The following WWOX variants were observed in gnomAD, a reference collection of about 807,000 sequenced individuals.
The protein encoded by WWOX is WW domain-containing oxidoreductase.
A neutral mutation model predicts 46.2 loss-of-function variants in WWOX; 69 were observed. The ratio of observed to expected loss-of-function variants is 1.49; its 90% CI spans 1.23 to 1.82. WWOX has a LOEUF of 1.82. WWOX is among the 40% of genes most tolerant of loss of function. The pLI is 0.00. For synonymous variants in WWOX, 359 were observed against 202.6 expected (o/e 1.77, Z -6.56); for missense variants, 919 against 542.6 (o/e 1.69, Z -6.89).
At position 78,372,716 on chromosome 16, in the gene WWOX, T is replaced by A. The variant is rs558115309; in HGVS notation, c.517-14144T>A. On this transcript the variant is annotated intron_variant, in intron 5 of 8. Coordinates refer to ENST00000566780, the MANE Select transcript of WWOX (RefSeq NM_016373.4). Reference sequence around the variant, plus strand: ...CAGTTATAGGCTTTTAAGGTCAGATTAATCTTTATTTAATTTCTTAATAAT... The same window carrying A: ...CAGTTATAGGCTTTTAAGGTCAGATAAATCTTTATTTAATTTCTTAATAAT... Among the ~76,000 whole-genome samples, 26 of 152,340 alleles carry A rather than the reference T, an allele frequency of 1.7e-4. No individual in the cohort carries two copies. In the Middle Eastern group the frequency reaches 0.014, roughly 80 times the overall value.
chr16:79,134,194 T>A (rs1429994126), intron 8 of WWOX, among the ~76,000 whole-genome samples: 1 of 152,108 alleles, frequency 6.6e-6, no homozygotes, highest in African/African-American at 2.4e-5. Context: ...TCTTTAATTT[T>A]CTTACAAAGG....
intron 8 of WWOX, among the ~76,000 whole-genome samples, chr16:78,449,098 C>T (rs763747422): frequency 1.3e-5 from 2 of 152,140 alleles, no homozygotes; most frequent in Non-Finnish European, 2.9e-5. Flanking sequence ...GGGAAGGATC[C>T]ACTTGCAAGC....
chr16:78,611,729 G>T (rs1314019343), intron 8 of WWOX, among the ~76,000 whole-genome samples: 1 of 152,168 alleles, frequency 6.6e-6, no homozygotes, highest in African/African-American at 2.4e-5. Flanking sequence ...CTCACTTATG[G>T]TGCATGTCGC....
chr16:78,501,024 G>A (rs765626074), intron 8 of WWOX, among the ~76,000 whole-genome samples: 5 of 152,114 alleles, frequency 3.3e-5, no homozygotes, highest in African/African-American at 1.2e-4. Flanking sequence ...GGGTGCAGGT[G>A]GAGGAGGCTA....
rs571870958 is a variant in WWOX at position 78,483,054 on chromosome 16, C to G, written c.1056+50302C>G. On this transcript the variant is annotated intron_variant, in intron 8 of 8. Coordinates refer to ENST00000566780, the MANE Select transcript of WWOX (RefSeq NM_016373.4). Reference sequence around the variant, plus strand: ...GAAGGGGTCCCTAGACATGAAGGGCCTCTTCAACCTACCTTTTGTTGGCTT... The same window carrying G: ...GAAGGGGTCCCTAGACATGAAGGGCGTCTTCAACCTACCTTTTGTTGGCTT... Among the ~76,000 whole-genome samples the G allele has an allele frequency of 7.9e-5, 12 of 152,256 alleles. No homozygotes were observed. In the South Asian group the frequency reaches 2.1e-3, roughly 26 times the overall value.
intron 8 of WWOX, among the ~76,000 whole-genome samples, chr16:78,692,846 G>A (rs1419776878): frequency 1.3e-5 from 2 of 152,162 alleles, no homozygotes; most frequent in African/African-American, 4.8e-5. Context: ...AGAGACAACT[G>A]TTTTTGGTGA....
At position 78,390,070 on chromosome 16, in the gene WWOX, A is replaced by T. The variant is rs1295508705; in HGVS notation, c.605+3122A>T. On this transcript the variant is annotated intron_variant, in intron 6 of 8. Transcript: ENST00000566780. ...CCCTTTCATTTTAAATGTGATAGAA[A>T]CAGACTCAGAGAATGTGAGTGACTT... 2.6e-5 allele frequency among the ~76,000 whole-genome samples: 4 copies of T among 152,282 alleles called. No homozygotes were observed. The East Asian group carries it at 7.7e-4, about 29-fold the overall frequency.
At chr16:78,534,100 C>G (rs929259254) in intron 8 of WWOX, among the ~76,000 whole-genome samples, 2 of 151,912 alleles carry the variant, frequency 1.3e-5, no homozygotes, top group African/African-American at 2.4e-5. Flanking sequence ...TCATTGAATC[C>G]CTGAGTTATA....
chr16:78,256,149 CAAAAAAAA>C (rs10557567), intron 5 of WWOX, among the ~76,000 whole-genome samples: 5 of 65,450 alleles, frequency 7.6e-5, no homozygotes. Context: ...GACTCCATCT[CAAAAAAAA>C]AAAAAAAAAA....
chr16:78,601,815 T>A (rs57450504), intron 8 of WWOX, among the ~76,000 whole-genome samples: 2,197 of 152,146 alleles, frequency 0.014, 50 homozygotes, highest in African/African-American at 0.048. Context: ...TAGGGAAAGG[T>A]GACATTCCAA....
intron 8 of WWOX, among the ~76,000 whole-genome samples, chr16:79,125,480 A>G (rs560011236): frequency 1.4e-4 from 21 of 152,322 alleles, no homozygotes; most frequent in South Asian, 1.0e-3. Context: ...TTCATGTGGC[A>G]TTTTTATGGG....
At chr16:78,934,221 C>G (rs1190164084) in intron 8 of WWOX, among the ~76,000 whole-genome samples, 1 of 151,038 alleles carries the variant, frequency 6.6e-6, no homozygotes, top group Non-Finnish European at 1.5e-5. Flanking sequence ...CCCTGTAATC[C>G]CAGCTACTCG....
At chr16:78,122,000 C>T (rs2033118345) in intron 4 of WWOX, among the ~76,000 whole-genome samples, 1 of 152,122 alleles carries the variant, frequency 6.6e-6, no homozygotes, top group Non-Finnish European at 1.5e-5. Context: ...CTGAGGTCAA[C>T]AGGCATCTGA....
At chr16:78,741,848 C>G (rs1348297017) in intron 8 of WWOX, among the ~76,000 whole-genome samples, 1 of 152,186 alleles carries the variant, frequency 6.6e-6, no homozygotes, top group Non-Finnish European at 1.5e-5. Flanking sequence ...GAGTGAGACG[C>G]TGTCTCAAAT....
chr16:78,440,588 C>A (rs2083421997), intron 8 of WWOX, among the ~76,000 whole-genome samples: 1 of 151,790 alleles, frequency 6.6e-6, no homozygotes, highest in African/African-American at 2.4e-5. Flanking sequence ...AACACAACTG[C>A]AGTTTGAAAA....
chr16:78,964,033 G>T (rs906454890), intron 8 of WWOX, among the ~76,000 whole-genome samples: 8 of 152,182 alleles, frequency 5.3e-5, no homozygotes, highest in Non-Finnish European at 8.8e-5. Context: ...GACCTCCCCA[G>T]CCATGTAGAA....
intron 5 of WWOX, among the ~76,000 whole-genome samples, chr16:78,333,512 T>G (rs930801063): frequency 1.2e-4 from 19 of 152,202 alleles, no homozygotes; most frequent in Admixed American, 4.6e-4. Context: ...AATTTAAGAT[T>G]AGTTCTTTTT....
rs184192142 is a variant in WWOX at position 78,520,470 on chromosome 16, G to A, written c.1056+87718G>A. On this transcript the variant is annotated intron_variant, in intron 8 of 8. Transcript: ENST00000566780. Reference sequence around the variant, plus strand: ...TTTTACACACATATTTTGCAGACAAGTATTAGAAAGTAACTAGCCTGCTTT... The same window carrying A: ...TTTTACACACATATTTTGCAGACAAATATTAGAAAGTAACTAGCCTGCTTT... 4.6e-5 allele frequency among the ~76,000 whole-genome samples: 7 copies of A among 152,300 alleles called. No individual in the cohort carries two copies. In the East Asian group the frequency reaches 1.4e-3, roughly 29 times the overall value.
intron 8 of WWOX, among the ~76,000 whole-genome samples, chr16:78,561,362 C>G (rs914643217): frequency 6.6e-6 from 1 of 152,044 alleles, no homozygotes; most frequent in African/African-American, 2.4e-5. Flanking sequence ...CTCTGACTTT[C>G]CTTGATTTTG....
Sources: gnomAD v4.1 joint callset for allele counts (sites outside exome capture counted in the v4.1 genomes callset) on GRCh38, gnomAD v4.1.1 for gene constraint, MANE v1.5 for transcripts, NCBI Gene and HGNC (gene_info 2026-07-23, HGNC 2026-07-21) for gene names.